MIGA1: variants seen among roughly 807,000 people sequenced by gnomAD.
MIGA1 encodes mitoguardin 1.
Under a neutral mutation model 82.0 loss-of-function variants are expected in MIGA1, and 58 were observed. The observed-to-expected ratio is 0.71, with a 90% confidence interval of 0.57 to 0.88. The LOEUF is 0.88. Ranked by LOEUF, MIGA1 falls within the 40% of genes least tolerant of loss-of-function variation. MIGA1 has a pLI of 0.00. For missense variants in MIGA1, 751 were observed against 749.1 expected (o/e 1.00, Z -0.03); for synonymous variants, 249 against 253.6 (o/e 0.98, Z 0.17).
chr1:77,838,121 T>G (rs1416237656), intron 7 of MIGA1, among the ~76,000 whole-genome samples: 1 of 152,186 alleles, frequency 6.6e-6, no homozygotes, highest in African/African-American at 2.4e-5. Context: ...TGATATTGCT[T>G]TCTTTTCTTT....
At chr1:77,851,396 G>A (rs1243033706) in intron 8 of MIGA1, among the ~76,000 whole-genome samples, 1 of 152,082 alleles carries the variant, frequency 6.6e-6, no homozygotes, top group Non-Finnish European at 1.5e-5. Context: ...TAAATTGCAT[G>A]TTCCATAGCT....
chr1:77,865,388 T>C (rs1685625302), intron 13 of MIGA1, among the ~76,000 whole-genome samples: 1 of 152,084 alleles, frequency 6.6e-6, no homozygotes, highest in Non-Finnish European at 1.5e-5. Context: ...CTCAGGAGTT[T>C]GAGACCAGCC....
intron 14 of MIGA1, among the ~76,000 whole-genome samples, chr1:77,870,854 G>A (rs1408314375): frequency 6.6e-6 from 1 of 151,504 alleles, no homozygotes; most frequent in Non-Finnish European, 1.5e-5. Context: ...GGCCGAGGCC[G>A]GCGGATCACT....
At chr1:77,817,025 T>C (rs1683594699) in intron 7 of MIGA1, among the ~76,000 whole-genome samples, 1 of 152,242 alleles carries the variant, frequency 6.6e-6, no homozygotes, top group Non-Finnish European at 1.5e-5. Flanking sequence ...GTCTAATCTT[T>C]GGCAGTTTCT....
intron 15 of MIGA1, among the ~76,000 whole-genome samples, chr1:77,873,788 CA>C (rs755724999): frequency 2.0e-4 from 30 of 152,232 alleles, no homozygotes; most frequent in Admixed American, 1.6e-3. Context: ...CTATACCATT[CA>C]TTTTTTAAAA....
chr1:77,868,940 AT>A (rs1325175440), intron 14 of MIGA1, among the ~76,000 whole-genome samples: 90 of 145,088 alleles, frequency 6.2e-4, no homozygotes, highest in African/African-American at 1.0e-3. Flanking sequence ...TAATTTATTT[AT>A]TTTTTTTTTT....
intron 7 of MIGA1, among the ~76,000 whole-genome samples, chr1:77,825,173 A>T (rs1455024100): frequency 6.6e-6 from 1 of 151,454 alleles, no homozygotes; most frequent in Non-Finnish European, 1.5e-5. Flanking sequence ...CACCTGGCTA[A>T]TTTCTGTATT....
chr1:77,813,957 GTTA>G, intron 6 of MIGA1, 90 bp downstream of exon 6: 1 of 1,386,996 alleles, frequency 7.2e-7, no homozygotes, highest in Admixed American at 1.9e-5. Context: ...TCTCACTGTT[GTTA>G]CCCAGGCTGA....
intron 1 of MIGA1, among the ~76,000 whole-genome samples, chr1:77,782,384 C>T (rs1013529301): frequency 6.6e-6 from 1 of 152,018 alleles, no homozygotes; most frequent in Non-Finnish European, 1.5e-5. Context: ...AGTTCAGCTT[C>T]CTATGGTCTT....
rs777245811 is a variant in MIGA1, at chr1:77,801,364, G to A, written c.229G>A (p.Val77Met). 1 of 1,565,068 alleles carries A rather than the reference G, an allele frequency of 6.4e-7. No individual in the cohort carries two copies. Among genetic ancestry groups the A allele is most frequent in the Non-Finnish European group, 8.6e-7 (1 of 1,165,744 alleles). ...TTCTCCGGTGGCTAAAAAGTTGTTT[G>A]TGGTAACTGCAGTGAGTGCTATATC... is the stretch of plus-strand genomic sequence containing the variant. The change falls in exon 3 of 16, where the codon GTG becomes ATG. Residue 77 changes from valine to methionine, a missense_variant. By Grantham distance (21) the Val-to-Met change is conservative (BLOSUM62 1). Coordinates refer to ENST00000370791, the MANE Select transcript of MIGA1 (RefSeq NM_198549.4).
chr1:77,842,940 G>A (rs1310645655), intron 7 of MIGA1, among the ~76,000 whole-genome samples: 1 of 152,198 alleles, frequency 6.6e-6, no homozygotes, highest in Non-Finnish European at 1.5e-5. Flanking sequence ...GAACCTACAA[G>A]TTCTTCTAAT....
chr1:77,864,121 G>A, intron 13 of MIGA1, 93 bp downstream of exon 13: 1 of 1,372,484 alleles, frequency 7.3e-7, no homozygotes, highest in Non-Finnish European at 9.9e-7. Context: ...AGCACTTTGG[G>A]AGGCCAAGGC....
In MIGA1 at chr1:77,861,265, T is replaced by C. The variant is rs758199710; in HGVS notation, c.1317T>C (p.Tyr439=). ...AAGATGTTTTTGATGAAATGATCTA[T>C]TTTTTAGAGCAGACCGATCACTGGG... The change falls in exon 12 of 16, where the codon TAT becomes TAC. Residue 439 remains tyrosine, a synonymous_variant. Transcript: ENST00000370791. The C allele has an allele frequency of 6.2e-7, 1 of 1,613,406 alleles. No individual in the cohort carries two copies. The highest frequency in any genetic ancestry group is 1.7e-5 in the Admixed American group (1 of 59,962).
intron 5 of MIGA1, among the ~76,000 whole-genome samples, chr1:77,812,671 T>C (rs1357525312): frequency 2.0e-5 from 3 of 152,208 alleles, no homozygotes; most frequent in East Asian, 3.9e-4. Flanking sequence ...AGTTGAAGTT[T>C]TAAACTATTT....
chr1:77,793,555 G>A (rs947321068), intron 2 of MIGA1, among the ~76,000 whole-genome samples: 1 of 151,838 alleles, frequency 6.6e-6, no homozygotes, highest in African/African-American at 2.4e-5. Flanking sequence ...TGCCTCCCAG[G>A]CTCAAGTGAT....
chr1:77,782,798 A>G (rs1681981253), intron 1 of MIGA1: 1 of 860,546 alleles, frequency 1.2e-6, no homozygotes, highest in Non-Finnish European at 1.4e-6. Context: ...TCTAGCCCCA[A>G]GATTCTGTTC....
intron 2 of MIGA1, among the ~76,000 whole-genome samples, chr1:77,786,497 A>ACTGAATGC (rs1378579033): frequency 2.0e-5 from 3 of 152,164 alleles, no homozygotes; most frequent in Non-Finnish European, 4.4e-5. Context: ...CCCTTATAAA[A>ACTGAATGC]CTGAATGCCT....
intron 7 of MIGA1, among the ~76,000 whole-genome samples, chr1:77,830,642 T>A (rs1227581833): frequency 6.6e-6 from 1 of 152,188 alleles, no homozygotes; most frequent in African/African-American, 2.4e-5. Context: ...ATAATCTTTT[T>A]ATGTCTGAAG....
Position 77,779,654 on chromosome 1 carries a change from C to T in MIGA1, c.-2C>T, listed in dbSNP as rs771017315. 4 of 1,577,632 alleles carry T rather than the reference C, an allele frequency of 2.5e-6. No individual in the cohort carries two copies. In the East Asian group the frequency reaches 7.0e-5, roughly 27 times the overall value. ...TGACCCCGGAAGGACTCCGCCTTCT[C>T]CATGTCAGACTGCTGCTCAGCGCCA... On this transcript the variant is annotated 5_prime_UTR_variant, in exon 1 of 16. Coordinates refer to ENST00000370791, the MANE Select transcript of MIGA1 (RefSeq NM_198549.4).
Sources: allele counts gnomAD v4.1 joint callset (sites outside exome capture counted in the v4.1 genomes callset), GRCh38; gene constraint gnomAD v4.1.1; transcripts MANE v1.5; gene names NCBI Gene and HGNC (gene_info 2026-07-23, HGNC 2026-07-21).